The following POLA2 variants were observed in gnomAD, a reference collection of about 807,000 sequenced individuals.
POLA2 encodes DNA polymerase alpha 2, accessory subunit, also known as DNA polymerase alpha subunit B.
Under a neutral mutation model 82.8 loss-of-function variants are expected in POLA2, and 47 were observed. That is an observed-to-expected ratio of 0.57 (90% CI 0.45 to 0.72). The LOEUF (loss-of-function observed/expected upper bound fraction) is 0.72. Ranked by LOEUF, POLA2 falls within the 30% of genes least tolerant of loss-of-function variation. POLA2 has a pLI of 0.00. For synonymous variants in POLA2, 287 were observed against 286.8 expected, an observed-to-expected ratio of 1.00 and a Z score of -0.01; for missense variants, 634 against 728.1, an observed-to-expected ratio of 0.87 and a Z score of 1.49.
chr11:65,291,622 C>G (rs1161450109), intron 13 of POLA2, among the ~76,000 whole-genome samples: 1 of 152,216 alleles, frequency 6.6e-6, no homozygotes, highest in Non-Finnish European at 1.5e-5. Context: ...TTTGTCAGCC[C>G]TTGGGGATAG....
At chr11:65,263,494 G>T (rs1356078166) in intron 1 of POLA2, among the ~76,000 whole-genome samples, 1 of 152,026 alleles carries the variant, frequency 6.6e-6, no homozygotes, top group African/African-American at 2.4e-5. Context: ...AAAGTGCTGG[G>T]ATTACAGGCA....
intron 13 of POLA2, among the ~76,000 whole-genome samples, chr11:65,293,137 AC>A (rs1949772172): frequency 6.6e-6 from 1 of 152,104 alleles, no homozygotes; most frequent in Admixed American, 6.6e-5. Context: ...TTGCATGACA[AC>A]CTGCTGAGAA....
chr11:65,302,613 T>G (rs1014040289), downstream of POLA2, among the ~76,000 whole-genome samples: 18 of 152,160 alleles, frequency 1.2e-4, no homozygotes, highest in African/African-American at 3.9e-4. Flanking sequence ...AATTGCCCCT[T>G]AGAATGTTTC....
Position 65,282,561 on chromosome 11 carries a change from A to G in POLA2, c.1006+40A>G, listed in dbSNP as rs773504677. ...AAATATTGTTTTGCCAACAATGAGGATGGTAGACATGAGTCCAGGAGTGCA... is the reference window on the plus strand; with the variant it reads ...AAATATTGTTTTGCCAACAATGAGGGTGGTAGACATGAGTCCAGGAGTGCA... On this transcript the variant is annotated intron_variant, in intron 10 of 17. Transcript: ENST00000265465. 2.0e-6 allele frequency: 3 copies of G among 1,535,296 alleles called. No homozygotes were observed. The South Asian group carries it at 3.3e-5, about 17-fold the overall frequency.
At chr11:65,264,735 C>G (rs1949439877) in intron 1 of POLA2, among the ~76,000 whole-genome samples, 2 of 152,230 alleles carry the variant, frequency 1.3e-5, no homozygotes, top group Admixed American at 1.3e-4. Context: ...AAATCCAAGT[C>G]CTCCACTTGA....
chr11:65,285,313 G>A (rs1026946494), intron 10 of POLA2, among the ~76,000 whole-genome samples: 3 of 152,050 alleles, frequency 2.0e-5, no homozygotes, highest in African/African-American at 7.2e-5. Flanking sequence ...GCTGAGGCAG[G>A]AGAATCGCTT....
chr11:65,274,807 C>G (rs904037743), intron 4 of POLA2, among the ~76,000 whole-genome samples: 1 of 152,020 alleles, frequency 6.6e-6, no homozygotes, highest in Non-Finnish European at 1.5e-5. Flanking sequence ...TTTGTATATT[C>G]TAATTTGTGT....
downstream of POLA2, among the ~76,000 whole-genome samples, chr11:65,298,883 G>C (rs1026901990): frequency 1.3e-5 from 2 of 152,218 alleles, no homozygotes; most frequent in African/African-American, 4.8e-5. Flanking sequence ...GGCAATGGTT[G>C]CCTGGATACC....
intron 10 of POLA2, 114 bp downstream of exon 10, chr11:65,282,635 C>T: frequency 1.1e-6 from 1 of 883,386 alleles, no homozygotes; most frequent in Non-Finnish European, 1.9e-6. Context: ...AGCAATGTGA[C>T]CAAGCAGTGA....
intron 9 of POLA2, among the ~76,000 whole-genome samples, 199 bp from the exon 10 acceptor site, chr11:65,282,280 C>T (rs1373337208): frequency 6.6e-6 from 1 of 152,108 alleles, no homozygotes; most frequent in Non-Finnish European, 1.5e-5. Flanking sequence ...TTTCTTTGCC[C>T]TCTGAGCAGT....
At chr11:65,283,659 A>G (rs1422574602) in intron 10 of POLA2, among the ~76,000 whole-genome samples, 2 of 151,634 alleles carry the variant, frequency 1.3e-5, no homozygotes, top group East Asian at 3.9e-4. Context: ...AAAACCCCAT[A>G]GTGATGGGGT....
intron 17 of POLA2, chr11:65,296,635 T>G: frequency 6.3e-6 from 1 of 159,650 alleles, no homozygotes; most frequent in Non-Finnish European, 1.4e-5. Flanking sequence ...ATTCAAAGCT[T>G]TCTAGTGACA....
At chr11:65,279,183 C>T (rs1949613891) in intron 6 of POLA2, among the ~76,000 whole-genome samples, 1 of 152,204 alleles carries the variant, frequency 6.6e-6, no homozygotes, top group Non-Finnish European at 1.5e-5. Flanking sequence ...AGGAATTCAA[C>T]TTAAAGATAT....
chr11:65,293,455 C>T (rs377294875), intron 13 of POLA2, among the ~76,000 whole-genome samples: 5 of 151,916 alleles, frequency 3.3e-5, no homozygotes, highest in African/African-American at 7.3e-5. Flanking sequence ...ACTAAAAATA[C>T]AAAAATTAGG....
chr11:65,265,126 G>C (rs1175245544), intron 1 of POLA2, among the ~76,000 whole-genome samples: 1 of 152,062 alleles, frequency 6.6e-6, no homozygotes, highest in Non-Finnish European at 1.5e-5. Flanking sequence ...CTACTTGGGA[G>C]GCTGAGACAG....
chr11:65,277,885 G>A (rs1949598001), intron 5 of POLA2, among the ~76,000 whole-genome samples: 1 of 152,186 alleles, frequency 6.6e-6, no homozygotes, highest in Non-Finnish European at 1.5e-5. Context: ...CGTAGAGGTG[G>A]CACTGGAGAT....
At chr11:65,263,248 CTTGTT>C (rs1949420474) in intron 1 of POLA2, among the ~76,000 whole-genome samples, 1 of 87,416 alleles carries the variant, frequency 1.1e-5, no homozygotes, top group African/African-American at 4.8e-5. Context: ...TTTTGACAGT[CTTGTT>C]TTATCACCCA....
At chr11:65,278,432 G>A (rs1204731817) in intron 5 of POLA2, among the ~76,000 whole-genome samples, 1 of 152,180 alleles carries the variant, frequency 6.6e-6, no homozygotes, top group East Asian at 1.9e-4. Flanking sequence ...AGAATCTGGG[G>A]ATCTTTTTGC....
chr11:65,292,478 A>G (rs1391494484), intron 13 of POLA2, among the ~76,000 whole-genome samples: 3 of 152,122 alleles, frequency 2.0e-5, no homozygotes, highest in African/African-American at 7.2e-5. Flanking sequence ...AAACAGGGCA[A>G]TTTTGTCCCT....
Sources: allele counts gnomAD v4.1 joint callset (sites outside exome capture counted in the v4.1 genomes callset), GRCh38; gene constraint gnomAD v4.1.1; transcripts MANE v1.5; gene names NCBI Gene and HGNC (gene_info 2026-07-23, HGNC 2026-07-21).